Variants in PTPN5 observed in about 807,000 individuals in gnomAD.
The protein encoded by PTPN5 is tyrosine-protein phosphatase non-receptor type 5.
In PTPN5, 29 loss-of-function variants were observed where a neutral mutation model predicts 73.9. The ratio of observed to expected loss-of-function variants is 0.39; its 90% CI spans 0.29 to 0.54. The LOEUF (loss-of-function observed/expected upper bound fraction) is 0.54, where lower values mean the gene tolerates loss of function less well. PTPN5 is among the 20% of genes least tolerant of loss of function. The pLI is 0.65. For missense variants in PTPN5, 652 were observed against 751.4 expected (o/e 0.87, Z 1.55); for synonymous variants, 267 against 304.7 (o/e 0.88, Z 1.29).
At chr11:18,786,846 C>A (rs1376956482) in intron 1 of PTPN5, among the ~76,000 whole-genome samples, 1 of 152,184 alleles carries the variant, frequency 6.6e-6, no homozygotes, top group Non-Finnish European at 1.5e-5. Context: ...TCTCCCTCCC[C>A]ACTGCCTTCT....
At chr11:18,788,637 G>A (rs1851777281) in intron 1 of PTPN5, among the ~76,000 whole-genome samples, 2 of 152,200 alleles carry the variant, frequency 1.3e-5, no homozygotes. Flanking sequence ...TGACCTGTGA[G>A]GAGAATAAAA....
At chr11:18,754,478 G>C (rs1417405100) in intron 3 of PTPN5, among the ~76,000 whole-genome samples, 2 of 152,120 alleles carry the variant, frequency 1.3e-5, no homozygotes, top group African/African-American at 2.4e-5. Flanking sequence ...TCCATGCCTT[G>C]GTGGCTGTCT....
chr11:18,761,098 G>A (rs1384943348), intron 3 of PTPN5, among the ~76,000 whole-genome samples: 1 of 152,226 alleles, frequency 6.6e-6, no homozygotes, highest in African/African-American at 2.4e-5. Context: ...AATGGCCCTT[G>A]CAGTGCAGGA....
At chr11:18,741,228 G>A (rs1328241265) in intron 7 of PTPN5, among the ~76,000 whole-genome samples, 4 of 152,160 alleles carry the variant, frequency 2.6e-5, no homozygotes, top group Non-Finnish European at 5.9e-5. Flanking sequence ...GCAGTCCCGG[G>A]CCCAACAGCC....
chr11:18,758,074 G>GA (rs1210413275), intron 3 of PTPN5, among the ~76,000 whole-genome samples: 1 of 152,206 alleles, frequency 6.6e-6, no homozygotes, highest in Non-Finnish European at 1.5e-5. Context: ...AGGCCAAGGG[G>GA]AGGAAGCTTT....
chr11:18,766,705 G>C (rs1850660536), intron 2 of PTPN5, among the ~76,000 whole-genome samples: 2 of 152,112 alleles, frequency 1.3e-5, no homozygotes, highest in African/African-American at 4.8e-5. Flanking sequence ...CATATCTTGA[G>C]GGCAACCACT....
chr11:18,789,690 A>C (rs1048704421), intron 1 of PTPN5, among the ~76,000 whole-genome samples: 1 of 152,222 alleles, frequency 6.6e-6, no homozygotes, highest in East Asian at 1.9e-4. Flanking sequence ...GAAGTAACTC[A>C]GGAATGGAAA....
intron 1 of PTPN5, among the ~76,000 whole-genome samples, chr11:18,783,644 T>TG (rs1564934114): frequency 6.6e-6 from 1 of 152,152 alleles, no homozygotes; most frequent in African/African-American, 2.4e-5. Flanking sequence ...ATTGAGATAA[T>TG]GTAGTAAGCA....
At chr11:18,788,595 A>C (rs555009946) in intron 1 of PTPN5, among the ~76,000 whole-genome samples, 18 of 152,324 alleles carry the variant, frequency 1.2e-4, no homozygotes, top group African/African-American at 3.1e-4. Context: ...ACCCAGTTTA[A>C]ATGCTACTTG....
At chr11:18,743,475 C>T (rs960805793) in intron 4 of PTPN5, 46 bp from the exon 5 acceptor site, 2 of 1,543,688 alleles carry the variant, frequency 1.3e-6, no homozygotes, top group Non-Finnish European at 1.8e-6. Context: ...GCCCCCTTCC[C>T]CCGTGTTCCC....
chr11:18,759,936 A>G (rs898475621), intron 3 of PTPN5, among the ~76,000 whole-genome samples: 2 of 128,172 alleles, frequency 1.6e-5, no homozygotes, highest in African/African-American at 6.4e-5. Context: ...GATGAGGCCC[A>G]TTATGAGGTA....
chr11:18,789,878 A>C lies in PTPN5; in HGVS notation c.-114+1647T>G, dbSNP rs1437669433. Among the ~76,000 whole-genome samples the C allele has an allele frequency of 2.0e-5, 3 of 152,116 alleles. No homozygotes were observed. In the East Asian group the frequency reaches 5.8e-4, roughly 29 times the overall value. ...GGTGATGGGTGCACCAAATTCTCAC[A>C]AATCACCGTTAAAGAACTTACTCAC... On this transcript the variant is annotated intron_variant, in intron 1 of 14. Transcript: ENST00000358540.
chr11:18,790,473 C>T (rs759672398), intron 1 of PTPN5, among the ~76,000 whole-genome samples: 14 of 152,188 alleles, frequency 9.2e-5, no homozygotes, highest in Non-Finnish European at 2.1e-4. Context: ...GGACTAACGC[C>T]TGGGAATCTG....
At chr11:18,756,772 A>G (rs1850160744) in intron 3 of PTPN5, among the ~76,000 whole-genome samples, 1 of 152,014 alleles carries the variant, frequency 6.6e-6, no homozygotes, top group Non-Finnish European at 1.5e-5. Flanking sequence ...AATAAAAAAA[A>G]AATTAGCCGG....
At chr11:18,732,782 G>A in intron 11 of PTPN5, 80 bp from the exon 12 acceptor site, 1 of 1,212,500 alleles carries the variant, frequency 8.2e-7, no homozygotes, top group Non-Finnish European at 1.2e-6. Flanking sequence ...GGCCAGCGGA[G>A]AGATACACAA....
chr11:18,743,758 G>T, intron 4 of PTPN5: 2 of 572,548 alleles, frequency 3.5e-6, no homozygotes, highest in Non-Finnish European at 6.1e-6. Flanking sequence ...GAGCTCAGGG[G>T]TCGGGGAGGC....
Position 18,743,297 on chromosome 11 carries a change from C to T in PTPN5, c.399+25G>A, listed in dbSNP as rs1849457638. 8 of 1,608,620 alleles carry T rather than the reference C, an allele frequency of 5.0e-6. 1 individual carries two copies. In the South Asian group the frequency reaches 8.8e-5, roughly 18 times the overall value. On this transcript the variant is annotated intron_variant, in intron 5 of 14. Transcript: ENST00000358540. The stretch of plus-strand genomic sequence containing the variant: ...AGGCCCCCAACAGATCCCTGCTACC[C>T]TAGGACTCCCCAAAGCTTACTTACC...
intron 2 of PTPN5, among the ~76,000 whole-genome samples, chr11:18,770,265 A>G (rs551977410): frequency 1.3e-5 from 2 of 152,300 alleles, no homozygotes; most frequent in African/African-American, 4.8e-5. Context: ...TGTCACCCCA[A>G]AAGGAAATCC....
rs767044675 is a variant in PTPN5 at position 18,742,514 on chromosome 11, T to G, written c.484-11A>C. 10 of 1,611,742 alleles carry G rather than the reference T, an allele frequency of 6.2e-6. No homozygotes were observed. The East Asian group carries it at 1.6e-4, about 25-fold the overall frequency. On this transcript the variant is annotated splice_polypyrimidine_tract_variant and intron_variant, in intron 6 of 14. Coordinates refer to ENST00000358540, the MANE Select transcript of PTPN5 (RefSeq NM_006906.2). The surrounding 1 kb of genome is among the most constrained non-coding windows in gnomAD (Gnocchi z 4.1). ...CAGGAGGTGCCACACCTGGTTGGGG[T>G]GTACAGCATCACAGATTTCGGACCA...
Sources: allele counts gnomAD v4.1 joint callset (sites outside exome capture counted in the v4.1 genomes callset), GRCh38; gene constraint gnomAD v4.1.1; non-coding constraint Gnocchi (gnomAD v3.1); transcripts MANE v1.5; gene names NCBI Gene and HGNC (gene_info 2026-07-23, HGNC 2026-07-21).